MGARP: variants seen among roughly 807,000 people sequenced by gnomAD.
MGARP encodes the protein protein MGARP.
Under a neutral mutation model 11.0 loss-of-function variants are expected in MGARP, and 12 were observed. The ratio of observed to expected loss-of-function variants is 1.09; its 90% CI spans 0.70 to 1.77. The LOEUF is 1.77. Ranked by LOEUF, MGARP falls within the 40% of genes most tolerant of loss-of-function variation. The pLI is 0.00. For synonymous variants in MGARP, 110 were observed against 115.4 expected, an observed-to-expected ratio of 0.95 and a Z score of 0.30; for missense variants, 283 against 297.8, an observed-to-expected ratio of 0.95 and a Z score of 0.36.
At chr4:139,271,638 A>G (rs1444478544) in intron 2 of MGARP, among the ~76,000 whole-genome samples, 1 of 152,212 alleles carries the variant, frequency 6.6e-6, no homozygotes, top group Non-Finnish European at 1.5e-5. Context: ...TGTGGGGTCA[A>G]TTCATAAAAA....
intron 1 of MGARP, among the ~76,000 whole-genome samples, 184 bp downstream of exon 1, chr4:139,279,893 C>T (rs1744930601): frequency 6.6e-6 from 1 of 152,196 alleles, no homozygotes; most frequent in South Asian, 2.1e-4. Flanking sequence ...TCCCTACTTC[C>T]AAAGTCTGCA....
intron 2 of MGARP, among the ~76,000 whole-genome samples, chr4:139,269,518 C>A (rs1417689525): frequency 6.6e-6 from 1 of 151,132 alleles, no homozygotes; most frequent in Non-Finnish European, 1.5e-5. Context: ...GTAGCCCTAG[C>A]TACTCAGAAG....
chr4:139,279,792 C>T (rs774164279), intron 1 of MGARP, among the ~76,000 whole-genome samples: 2 of 152,216 alleles, frequency 1.3e-5, no homozygotes, highest in Non-Finnish European at 1.5e-5. Context: ...TCATCGCCCT[C>T]ATTTTATAGA....
intron 2 of MGARP, among the ~76,000 whole-genome samples, chr4:139,269,861 G>A (rs1186904811): frequency 6.6e-6 from 1 of 151,904 alleles, no homozygotes. Flanking sequence ...AACTTTTAAT[G>A]GTAAGATGAT....
intron 2 of MGARP, among the ~76,000 whole-genome samples, chr4:139,270,623 A>AG (rs796502330): frequency 7.3e-5 from 11 of 151,348 alleles, no homozygotes; most frequent in African/African-American, 2.2e-4. Flanking sequence ...AAAAAAAAAA[A>AG]AAAAGAAAAG....
At chr4:139,269,487 G>C (rs1046028263) in intron 2 of MGARP, among the ~76,000 whole-genome samples, 17 of 151,938 alleles carry the variant, frequency 1.1e-4, no homozygotes, top group Admixed American at 5.9e-4. Context: ...AAACAGCCAG[G>C]CATGGTGGTG....
chr4:139,274,637 C>G (rs189881964), intron 2 of MGARP, among the ~76,000 whole-genome samples: 1 of 152,114 alleles, frequency 6.6e-6, no homozygotes, highest in South Asian at 2.1e-4. Context: ...GCACACACCA[C>G]CATGCTGGCT....
intron 1 of MGARP, among the ~76,000 whole-genome samples, chr4:139,279,472 T>G (rs1744921781): frequency 6.6e-6 from 1 of 152,170 alleles, no homozygotes; most frequent in Non-Finnish European, 1.5e-5. Flanking sequence ...GCTTCCTTTT[T>G]GGGGGTTGTG....
At chr4:139,278,167 T>C (rs192311896) in intron 1 of MGARP, among the ~76,000 whole-genome samples, 75 of 152,208 alleles carry the variant, frequency 4.9e-4, no homozygotes, top group Non-Finnish European at 8.2e-4. Context: ...GCGGAGGTTG[T>C]GGTGAGCCGA....
In MGARP at chr4:139,268,742, G is replaced by T. The variant is rs1489852625; in HGVS notation, c.210C>A (p.Asp70Glu). Residue 70 changes from aspartate (D) to glutamate (E), a missense_variant, in exon 3 of 4, where the codon GAC becomes GAA. Physicochemically the swap from Asp to Glu is conservative, Grantham distance 45. Transcript: ENST00000398955. Reference sequence around the variant, plus strand: ...TTTTATGTTCTGTGTGTTTGGCTTGGTCTGATGTGACTGTCTTGTAAGCCT... The same window carrying T: ...TTTTATGTTCTGTGTGTTTGGCTTGTTCTGATGTGACTGTCTTGTAAGCCT... ...GYYAYKTVTS[D>E]QAKHTEHKTN... The T allele has an allele frequency of 1.9e-6, 3 of 1,610,874 alleles. No homozygotes were observed. The highest frequency in any genetic ancestry group is 2.5e-6 in the Non-Finnish European group (3 of 1,178,780).
rs780261811 is a variant in MGARP, at chr4:139,277,777, G to T, written c.82+2300C>A. Reference sequence around the variant, plus strand: ...TGTGGAAATAATGTGCACAAGGAAGGAATGAGGGGAAAAAAAAGGTCTGGA... The same window carrying T: ...TGTGGAAATAATGTGCACAAGGAAGTAATGAGGGGAAAAAAAAGGTCTGGA... On this transcript the variant is annotated intron_variant, in intron 1 of 3. Coordinates refer to ENST00000398955, the MANE Select transcript of MGARP (RefSeq NM_032623.4). 1.4e-4 allele frequency among the ~76,000 whole-genome samples: 21 copies of T among 152,240 alleles called. 1 individual carries two copies. Among genetic ancestry groups the T allele is most frequent in the Non-Finnish European group, 2.9e-4 (20 of 68,014 alleles).
chr4:139,272,847 G>A (rs1336644851), intron 2 of MGARP, among the ~76,000 whole-genome samples: 2 of 151,350 alleles, frequency 1.3e-5, no homozygotes, highest in African/African-American at 2.4e-5. Context: ...CACCACGCCC[G>A]GCTAATTTTT....
intron 3 of MGARP, among the ~76,000 whole-genome samples, chr4:139,267,475 A>C (rs1361740597): frequency 2.0e-5 from 3 of 152,248 alleles, no homozygotes; most frequent in Non-Finnish European, 4.4e-5. Flanking sequence ...AGCATGGAAG[A>C]GTAGCCAAGT....
intron 2 of MGARP, among the ~76,000 whole-genome samples, chr4:139,270,760 A>T: frequency 6.6e-6 from 1 of 152,198 alleles, no homozygotes; most frequent in East Asian, 1.9e-4. Context: ...ATCAACGGGA[A>T]TGATAATCAA....
intron 1 of MGARP, among the ~76,000 whole-genome samples, chr4:139,275,962 G>A (rs187046023): frequency 1.5e-3 from 222 of 152,144 alleles, no homozygotes; most frequent in Non-Finnish European, 1.8e-3. Context: ...GCCAAATGTT[G>A]CAGAAAGGTT....
At chr4:139,268,458 C>T (rs75700350) in intron 3 of MGARP, among the ~76,000 whole-genome samples, 8,753 of 152,202 alleles carry the variant, frequency 0.058, 282 homozygotes, top group East Asian at 0.1. Flanking sequence ...AAATGTAAAA[C>T]ATTCATTTGT....
rs1744706962 is a variant in MGARP, at chr4:139,266,899, A to C, written c.423T>G (p.Gly141=). ...VVIKEASACP[G]HVEAAPETTA... The stretch of plus-strand genomic sequence containing the variant: ...TGGTCTCCGGAGCAGCCTCCACGTG[A>C]CCTGGACAGGCAGATGCCTCTTTTA... Residue 141 remains glycine, a synonymous_variant, in exon 4 of 4, where the codon GGT becomes GGG. Coordinates refer to ENST00000398955, the MANE Select transcript of MGARP (RefSeq NM_032623.4). 1 of 1,613,972 alleles carries C rather than the reference A, an allele frequency of 6.2e-7. No homozygotes were observed. The highest frequency in any genetic ancestry group is 1.1e-5 in the South Asian group (1 of 91,084).
At position 139,266,547 on chromosome 4, in the gene MGARP, A is replaced by G; in HGVS notation, c.*52T>C. ...CTAAGTGTACTAAAAACACAAAAGC[A>G]CTTATCAGACACCCTATGGCATTTG... On this transcript the variant is annotated 3_prime_UTR_variant, in exon 4 of 4. Coordinates refer to ENST00000398955, the MANE Select transcript of MGARP (RefSeq NM_032623.4). 6.7e-7 allele frequency: 1 copy of G among 1,490,370 alleles called. No individual in the cohort carries two copies. The highest frequency in any genetic ancestry group is 9.1e-7 in the Non-Finnish European group (1 of 1,102,742). 92.3% of individuals were successfully genotyped at this position (1,490,370 alleles called of 1,614,324 possible). A position where few individuals can be genotyped will look rare whatever the true frequency, so the allele number is the denominator to read the frequency against.
chr4:139,268,607 C>A, intron 3 of MGARP, 65 bp downstream of exon 3: 1 of 1,132,608 alleles, frequency 8.8e-7, no homozygotes, highest in South Asian at 1.5e-5. Flanking sequence ...CATTGCTAGA[C>A]TAAGTGGATG....
Sources: allele counts gnomAD v4.1 joint callset (sites outside exome capture counted in the v4.1 genomes callset), GRCh38; gene constraint gnomAD v4.1.1; transcripts MANE v1.5; gene names NCBI Gene and HGNC (gene_info 2026-07-23, HGNC 2026-07-21).